Variants in AFAP1L1 observed in about 807,000 individuals in gnomAD.
AFAP1L1 encodes actin filament associated protein 1 like 1, also known as actin filament-associated protein 1-like 1.
AFAP1L1 carries 77 observed loss-of-function variants against 99.8 expected under a neutral mutation model. The observed-to-expected ratio is 0.77, with a 90% CI of 0.64 to 0.93. AFAP1L1 has a LOEUF of 0.93. AFAP1L1 is among the 40% of genes least tolerant of loss of function. The pLI, the probability that AFAP1L1 is intolerant of heterozygous loss-of-function variation, is 0.00. For missense variants in AFAP1L1, 893 were observed against 996.8 expected (o/e 0.90, Z 1.40); for synonymous variants, 373 against 395.3 (o/e 0.94, Z 0.67).
chr5:149,306,551 G>A (rs1328358314), intron 6 of AFAP1L1, 147 bp downstream of exon 6: 3 of 702,806 alleles, frequency 4.3e-6, no homozygotes, highest in Admixed American at 5.8e-5. Context: ...CTTGTTTTGG[G>A]TGACCCCAGC....
intron 18 of AFAP1L1, among the ~76,000 whole-genome samples, chr5:149,336,078 C>A: frequency 6.6e-6 from 1 of 152,100 alleles, no homozygotes; most frequent in East Asian, 1.9e-4. Flanking sequence ...AGCAAACCCA[C>A]CTCTTCCAAT....
rs1212234665 is a variant in AFAP1L1, at chr5:149,316,174, G to C, written c.1138G>C (p.Ala380Pro). The C allele has an allele frequency of 6.2e-7, 1 of 1,613,958 alleles. No homozygotes were observed. Residue 380 changes from alanine to proline, a missense_variant, in exon 11 of 19, where the codon GCA becomes CCA. Coordinates refer to ENST00000296721, the MANE Select transcript of AFAP1L1 (RefSeq NM_152406.4). ...DHGKGKKSSL[A>P]ELKGSMSRAA... ...AGGCAAAGGGAAGAAGAGCAGCCTG[G>C]CAGAACTGAAGGGCTCAATGAGCAG...
chr5:149,306,361 C>A lies in AFAP1L1; in HGVS notation c.492C>A (p.Ser164Arg), dbSNP rs932406099. 1.9e-6 allele frequency: 3 copies of A among 1,613,474 alleles called. No homozygotes were observed. Among genetic ancestry groups the A allele is most frequent in the Non-Finnish European group, 2.5e-6 (3 of 1,179,740 alleles). Reference protein sequence around the residue: ...IVDGYYEDADSSYPATRVNGE... With the variant: ...IVDGYYEDADRSYPATRVNGE... The stretch of plus-strand genomic sequence containing the variant: ...ATGGCTACTATGAGGACGCAGACAG[C>A]AGCTACCCTGCAACCAGGGTGAACG... The change falls in exon 6 of 19, where the codon AGC becomes AGA. Residue 164 changes from serine (S) to arginine (R), a missense_variant. Coordinates refer to ENST00000296721, the MANE Select transcript of AFAP1L1 (RefSeq NM_152406.4).
At chr5:149,321,165 G>C (rs1756941938) in intron 14 of AFAP1L1, among the ~76,000 whole-genome samples, 1 of 152,194 alleles carries the variant, frequency 6.6e-6, no homozygotes, top group Non-Finnish European at 1.5e-5. Context: ...GACACACTGA[G>C]TTTTCACCTC....
At chr5:149,318,671 C>T (rs141071774) in intron 12 of AFAP1L1, among the ~76,000 whole-genome samples, 2 of 152,340 alleles carry the variant, frequency 1.3e-5, no homozygotes, top group African/African-American at 4.8e-5. Context: ...CGGGCACTAG[C>T]CTCCTCTCTG....
In AFAP1L1 at chr5:149,343,277, A is replaced by G. The variant is rs980511558; in HGVS notation, c.*3247A>G. Reference sequence around the variant, plus strand: ...GACCCAAATAACTACAGTACAAATAACCCATGTTATGACAAGATTCAGAGT... The same window carrying G: ...GACCCAAATAACTACAGTACAAATAGCCCATGTTATGACAAGATTCAGAGT... On this transcript the variant is annotated 3_prime_UTR_variant, in exon 19 of 19. Coordinates refer to ENST00000296721, the MANE Select transcript of AFAP1L1 (RefSeq NM_152406.4). Among the ~76,000 whole-genome samples, 1 of 151,950 alleles carries G rather than the reference A, an allele frequency of 6.6e-6. No homozygotes were observed. The highest frequency in any genetic ancestry group is 1.5e-5 in the Non-Finnish European group (1 of 67,964).
At chr5:149,296,998 C>A (rs1239869749) in intron 1 of AFAP1L1, among the ~76,000 whole-genome samples, 6 of 152,204 alleles carry the variant, frequency 3.9e-5, no homozygotes, top group Admixed American at 3.9e-4. Flanking sequence ...TAACCACCTC[C>A]ATGATTCAGT....
rs1223969153 is a variant in AFAP1L1 at position 149,340,549 on chromosome 5, A to G, written c.*519A>G. On this transcript the variant is annotated 3_prime_UTR_variant, in exon 19 of 19. Transcript: ENST00000296721. ...TCAAGGTAAATAGGTTGAACAATCA[A>G]TAACATTATCCCTGCCTGCATACAT... The G allele has an allele frequency of 6.5e-6, 1 of 154,908 alleles. No individual in the cohort carries two copies. Among genetic ancestry groups the G allele is most frequent in the Non-Finnish European group, 1.4e-5 (1 of 69,340 alleles). 9.6% of individuals were successfully genotyped at this position (154,908 alleles called of 1,614,324 possible).
intron 15 of AFAP1L1, among the ~76,000 whole-genome samples, chr5:149,327,816 A>G (rs1320431494): frequency 6.6e-6 from 1 of 152,190 alleles, no homozygotes; most frequent in African/African-American, 2.4e-5. Flanking sequence ...GTGCACAAAC[A>G]TATGTGTAGA....
chr5:149,304,593 C>T (rs1013304334), intron 5 of AFAP1L1, among the ~76,000 whole-genome samples: 9 of 152,200 alleles, frequency 5.9e-5, no homozygotes, highest in African/African-American at 2.2e-4. Context: ...TCAGGAAGGG[C>T]CAGGAACCTT....
intron 1 of AFAP1L1, among the ~76,000 whole-genome samples, chr5:149,286,354 T>G (rs374037683): frequency 9.9e-5 from 15 of 152,132 alleles, no homozygotes; most frequent in African/African-American, 3.1e-4. Context: ...GAGAACAGAT[T>G]ATGCAGAGGA....
rs1755121372 is a variant in AFAP1L1 at position 149,271,927 on chromosome 5, C to T, written c.-42C>T. 2.5e-6 allele frequency: 3 copies of T among 1,222,176 alleles called. No individual in the cohort carries two copies. Among genetic ancestry groups the T allele is most frequent in the Non-Finnish European group, 3.1e-6 (3 of 981,266 alleles). 75.7% of individuals were successfully genotyped at this position (1,222,176 alleles called of 1,614,324 possible). On this transcript the variant is annotated 5_prime_UTR_variant, in exon 1 of 19. Transcript: ENST00000296721. ...GGCCGCTACCAGCCGCGCCGGAGCC[C>T]CTGCGCCCTGCGGCCCGCTCCCCGG...
chr5:149,298,944 C>A (rs184029455), intron 1 of AFAP1L1, among the ~76,000 whole-genome samples: 1 of 152,152 alleles, frequency 6.6e-6, no homozygotes, highest in Non-Finnish European at 1.5e-5. Context: ...ATTGGTGTCA[C>A]GTGGAAAGAA....
At chr5:149,281,486 T>C (rs2127589350) in intron 1 of AFAP1L1, among the ~76,000 whole-genome samples, 1 of 152,312 alleles carries the variant, frequency 6.6e-6, no homozygotes, top group Non-Finnish European at 1.5e-5. Flanking sequence ...TCACCACACT[T>C]GTTGAAATAT....
chr5:149,318,736 T>C (rs192110999), intron 12 of AFAP1L1, among the ~76,000 whole-genome samples: 1 of 152,318 alleles, frequency 6.6e-6, no homozygotes, highest in East Asian at 1.9e-4. Flanking sequence ...TTTGGCAATT[T>C]AGAATTTAAA....
chr5:149,299,373 G>A, intron 1 of AFAP1L1, 136 bp from the exon 2 acceptor site: 1 of 1,179,158 alleles, frequency 8.5e-7, no homozygotes, highest in East Asian at 2.6e-5. Flanking sequence ...ACAGCTGAGA[G>A]CCCCCAGGTC....
chr5:149,284,332 TG>T (rs953554567), intron 1 of AFAP1L1, among the ~76,000 whole-genome samples: 1 of 152,182 alleles, frequency 6.6e-6, no homozygotes, highest in African/African-American at 2.4e-5. Context: ...TCAAGTTGCC[TG>T]GGGTTTGAAT....
chr5:149,340,077 C>G lies in AFAP1L1; in HGVS notation c.*47C>G. ...CCAAAGGAAATACCAGCTTGTCCAC[C>G]TGAGGAAGAAATGCTTTTTTCACAA... On this transcript the variant is annotated 3_prime_UTR_variant, in exon 19 of 19. Coordinates refer to ENST00000296721, the MANE Select transcript of AFAP1L1 (RefSeq NM_152406.4). 1 of 1,610,100 alleles carries G rather than the reference C, an allele frequency of 6.2e-7. No homozygotes were observed. Among genetic ancestry groups the G allele is most frequent in the East Asian group, 2.2e-5 (1 of 44,822 alleles).
intron 15 of AFAP1L1, among the ~76,000 whole-genome samples, chr5:149,327,606 A>G (rs536210122): frequency 6.6e-6 from 1 of 152,252 alleles, no homozygotes; most frequent in Admixed American, 6.5e-5. Flanking sequence ...AAAAAGAAGA[A>G]CCAAATAAAA....
Sources: gnomAD v4.1 joint callset for allele counts (sites outside exome capture counted in the v4.1 genomes callset) on GRCh38, gnomAD v4.1.1 for gene constraint, MANE v1.5 for transcripts, NCBI Gene and HGNC (gene_info 2026-07-23, HGNC 2026-07-21) for gene names.